The following CKS1B variants were observed in gnomAD, a reference collection of about 807,000 sequenced individuals.
CKS1B encodes the protein CDC28 protein kinase regulatory subunit 1B.
CKS1B carries 5 observed loss-of-function variants against 12.2 expected under a neutral mutation model. That is an observed-to-expected ratio of 0.41 (90% confidence interval 0.21 to 0.86). The LOEUF (loss-of-function observed/expected upper bound fraction) is 0.86, where lower values mean the gene tolerates loss of function less well. CKS1B is among the 40% of genes least tolerant of loss of function. CKS1B has a pLI of 0.32. For missense variants in CKS1B, 53 were observed against 99.9 expected (o/e 0.53, Z 2.00); for synonymous variants, 24 against 34.4 (o/e 0.70, Z 1.06).
chr1:154,976,960 G>A (rs904361627), intron 1 of CKS1B, among the ~76,000 whole-genome samples: 4 of 152,034 alleles, frequency 2.6e-5, no homozygotes, highest in African/African-American at 9.7e-5. Context: ...GAAAAGCACG[G>A]AATTTACCCA....
intron 1 of CKS1B, 101 bp downstream of exon 1, chr1:154,974,905 C>T (rs1657099999): frequency 6.2e-7 from 1 of 1,613,972 alleles, no homozygotes; most frequent in Non-Finnish European, 8.5e-7. Flanking sequence ...TTGGCGCATG[C>T]GTACGAGGTG....
At chr1:154,977,839 A>T in intron 1 of CKS1B, 148 bp from the exon 2 acceptor site, 1 of 708,106 alleles carries the variant, frequency 1.4e-6, no homozygotes, top group Non-Finnish European at 2.3e-6. Context: ...CTGTATTTCT[A>T]GCTGCTGCTA....
chr1:154,974,897 G>C, intron 1 of CKS1B, 93 bp downstream of exon 1: 2 of 1,614,036 alleles, frequency 1.2e-6, no homozygotes, highest in Non-Finnish European at 1.7e-6. Context: ...CGATAGAATT[G>C]GCGCATGCGT....
chr1:154,974,842 G>T, intron 1 of CKS1B, 38 bp downstream of exon 1: 1 of 1,614,072 alleles, frequency 6.2e-7, no homozygotes, highest in Non-Finnish European at 8.5e-7. Context: ...AGGGTCGTGA[G>T]CTTTGGCCGC....
chr1:154,974,921 G>C (rs377322661), intron 1 of CKS1B, 117 bp downstream of exon 1: 29 of 1,613,686 alleles, frequency 1.8e-5, no homozygotes, highest in Non-Finnish European at 2.4e-5. Flanking sequence ...AGGTGCGAAC[G>C]GGCAATGGTG....
intron 1 of CKS1B, 48 bp downstream of exon 1, chr1:154,974,852 C>A (rs1166225366): frequency 6.2e-7 from 1 of 1,614,000 alleles, no homozygotes; most frequent in South Asian, 1.1e-5. Flanking sequence ...GCTTTGGCCG[C>A]TGAGGGCACA....
chr1:154,978,243 AT>A, intron 2 of CKS1B, 129 bp downstream of exon 2: 5 of 1,019,260 alleles, frequency 4.9e-6, no homozygotes, highest in Non-Finnish European at 6.8e-6. Flanking sequence ...GTCGTGGGGG[AT>A]TTTTTTAAAA....
intron 1 of CKS1B, chr1:154,975,663 C>G (rs1242008383): frequency 6.5e-6 from 1 of 154,842 alleles, no homozygotes; most frequent in East Asian, 1.9e-4. Flanking sequence ...TTGCTAACTC[C>G]AGGACGCTCC....
In CKS1B at chr1:154,978,749, G is replaced by A. The variant is rs772335593; in HGVS notation, c.212G>A (p.Arg71His). The stretch of plus-strand genomic sequence containing the variant: ...GAACCTCACATCTTGCTGTTCCGGC[G>A]CCCACTACCCAAGAAACCAAAGAAA... The part of the protein sequence containing the change: ...EPEPHILLFR[R>H]PLPKKPKK The change falls in exon 3 of 3, where the codon CGC (arginine) becomes CAC (histidine). Residue 71 changes from arginine to histidine, a missense_variant. Coordinates refer to ENST00000308987, the MANE Select transcript of CKS1B (RefSeq NM_001826.3). 12 of 1,613,260 alleles carry A rather than the reference G, an allele frequency of 7.4e-6. No homozygotes were observed. Among genetic ancestry groups the A allele is most frequent in the African/African-American group, 1.3e-5 (1 of 74,834 alleles).
chr1:154,976,957 A>G (rs1022789321), intron 1 of CKS1B, among the ~76,000 whole-genome samples: 2 of 152,148 alleles, frequency 1.3e-5, no homozygotes, highest in African/African-American at 4.8e-5. Flanking sequence ...TTAGAAAAGC[A>G]CGGAATTTAC....
At chr1:154,976,574 C>A (rs1657191785) in intron 1 of CKS1B, among the ~76,000 whole-genome samples, 1 of 152,204 alleles carries the variant, frequency 6.6e-6, no homozygotes, top group Non-Finnish European at 1.5e-5. Flanking sequence ...TTTTCCTCAG[C>A]TGTTTTCCTC....
chr1:154,975,959 A>G (rs1202033337), intron 1 of CKS1B, among the ~76,000 whole-genome samples: 3 of 145,136 alleles, frequency 2.1e-5, no homozygotes, highest in Admixed American at 6.8e-5. Context: ...GAGGTTCAGG[A>G]AAAAAAAAAA....
chr1:154,978,607 CTTTA>C (rs1362510064), intron 2 of CKS1B, 114 bp from the exon 3 acceptor site: 6 of 827,098 alleles, frequency 7.3e-6, no homozygotes, highest in South Asian at 3.1e-5. Context: ...ATGCTTAAGT[CTTTA>C]TTTAGTTATA....
At chr1:154,974,910 G>A (rs937451790) in intron 1 of CKS1B, 106 bp downstream of exon 1, 2 of 1,613,994 alleles carry the variant, frequency 1.2e-6, no homozygotes, top group Non-Finnish European at 1.7e-6. Context: ...GCATGCGTAC[G>A]AGGTGCGAAC....
In CKS1B at chr1:154,974,927, T is replaced by C. The variant is rs769065382; in HGVS notation, c.59+123T>C. On this transcript the variant is annotated intron_variant, in intron 1 of 2. Coordinates refer to ENST00000308987, the MANE Select transcript of CKS1B (RefSeq NM_001826.3). ...ATGCGTACGAGGTGCGAACGGGCAA[T>C]GGTGTGATATTGTGGAAGGCGTAAG... The C allele has an allele frequency of 1.1e-5, 17 of 1,613,494 alleles. No individual in the cohort carries two copies. In the South Asian group the frequency reaches 1.9e-4, roughly 18 times the overall value.
intron 1 of CKS1B, 127 bp from the exon 2 acceptor site, chr1:154,977,860 A>G: frequency 1.1e-6 from 1 of 921,744 alleles, no homozygotes; most frequent in Non-Finnish European, 1.6e-6. Context: ...CCCCACAATA[A>G]AATTATATAA....
intron 1 of CKS1B, chr1:154,977,539 C>G (rs1657221135): frequency 6.5e-6 from 1 of 153,930 alleles, no homozygotes; most frequent in Non-Finnish European, 1.4e-5. Context: ...TGCCACCATG[C>G]CTGGCTTAGA....
In CKS1B at chr1:154,974,963, G is replaced by C. The variant is rs182521423; in HGVS notation, c.59+159G>C. On this transcript the variant is annotated intron_variant, in intron 1 of 2. Coordinates refer to ENST00000308987, the MANE Select transcript of CKS1B (RefSeq NM_001826.3). ...TGTGGAAGGCGTAAGGCGCATGCGC[G>C]GAGGTGGGAGGCGCTCGTAAAACAA... 2.1e-5 allele frequency: 34 copies of C among 1,605,306 alleles called. No individual in the cohort carries two copies. The African/African-American group carries it at 4.1e-4, about 20-fold the overall frequency.
intron 2 of CKS1B, 119 bp downstream of exon 2, chr1:154,978,233 G>T: frequency 9.4e-7 from 1 of 1,068,306 alleles, no homozygotes; most frequent in Non-Finnish European, 1.3e-6. Flanking sequence ...TCCCCCTCCA[G>T]TCGTGGGGGA....
Sources: gnomAD v4.1 joint callset for allele counts (sites outside exome capture counted in the v4.1 genomes callset) on GRCh38, gnomAD v4.1.1 for gene constraint, MANE v1.5 for transcripts, NCBI Gene and HGNC (gene_info 2026-07-23, HGNC 2026-07-21) for gene names.